The following MCPH1 variants were observed in gnomAD, a reference collection of about 807,000 sequenced individuals.
The protein encoded by MCPH1 is microcephalin 1, also known as microcephalin.
In MCPH1, 104 loss-of-function variants were observed where a neutral mutation model predicts 84.5. The observed-to-expected ratio is 1.23, with a 90% confidence interval of 1.05 to 1.45. MCPH1 has a LOEUF of 1.45. MCPH1 is among the 40% of genes most tolerant of loss of function. The pLI is 0.00. For synonymous variants in MCPH1, 514 were observed against 366.8 expected (o/e 1.40, Z -4.58); for missense variants, 1,498 against 1,005.7 (o/e 1.49, Z -6.62).
chr8:6,450,682 C>G lies in MCPH1; in HGVS notation c.1826-4461C>G, dbSNP rs1804986287. ...ACCGATAACCACTCATTTTTGTCATCCATTTTGGCTTTTAACAAAGCATCT... is the reference window on the plus strand; with the variant it reads ...ACCGATAACCACTCATTTTTGTCATGCATTTTGGCTTTTAACAAAGCATCT... On this transcript the variant is annotated intron_variant, in intron 8 of 13. Transcript: ENST00000344683. 2.0e-5 allele frequency among the ~76,000 whole-genome samples: 3 copies of G among 151,958 alleles called. No homozygotes were observed. In the South Asian group the frequency reaches 6.2e-4, roughly 32 times the overall value.
At chr8:6,454,676 T>C (rs1251769675) in intron 8 of MCPH1, among the ~76,000 whole-genome samples, 1 of 152,160 alleles carries the variant, frequency 6.6e-6, no homozygotes, top group African/African-American at 2.4e-5. Flanking sequence ...GGGAGTAAAA[T>C]CATCATCCAT....
chr8:6,533,278 T>C (rs1036423047), intron 12 of MCPH1, among the ~76,000 whole-genome samples: 2 of 152,240 alleles, frequency 1.3e-5, no homozygotes, highest in Non-Finnish European at 2.9e-5. Flanking sequence ...AGAAGCTCAT[T>C]TCACTGCCAT....
chr8:6,614,208 A>G (rs1372622300), intron 12 of MCPH1, among the ~76,000 whole-genome samples: 1 of 152,132 alleles, frequency 6.6e-6, no homozygotes, highest in African/African-American at 2.4e-5. Context: ...CAGCACTAGG[A>G]TATGGTTTTG....
rs550623046 is a variant in MCPH1, at chr8:6,530,668, G to A, written c.2214+30739G>A. On this transcript the variant is annotated intron_variant, in intron 12 of 13. Transcript: ENST00000344683. Reference sequence around the variant, plus strand: ...TTTTTAGTACCTTATGATCCGTTATGTAAAATATTTATGTATGTTTTTCTT... The same window carrying A: ...TTTTTAGTACCTTATGATCCGTTATATAAAATATTTATGTATGTTTTTCTT... 2.6e-5 allele frequency among the ~76,000 whole-genome samples: 4 copies of A among 152,234 alleles called. No individual in the cohort carries two copies. The East Asian group carries it at 5.8e-4, about 22-fold the overall frequency.
intron 12 of MCPH1, among the ~76,000 whole-genome samples, chr8:6,603,589 A>G (rs1829535946): frequency 6.6e-6 from 1 of 152,196 alleles, no homozygotes; most frequent in African/African-American, 2.4e-5. Context: ...GATAATGTGG[A>G]AGGTACTAGC....
chr8:6,410,344 C>A (rs1032469839), intron 2 of MCPH1, among the ~76,000 whole-genome samples: 1 of 151,922 alleles, frequency 6.6e-6, no homozygotes, highest in African/African-American at 2.4e-5. Flanking sequence ...TTAAAAACTA[C>A]AGAAAGTTCA....
At chr8:6,627,163 C>G in intron 13 of MCPH1, 1 of 985,388 alleles carries the variant, frequency 1.0e-6, no homozygotes, top group South Asian at 4.7e-5. Flanking sequence ...GAAAAATGCA[C>G]GACGCTCCCA....
At chr8:6,589,328 G>C (rs1168024806) in intron 12 of MCPH1, among the ~76,000 whole-genome samples, 2 of 152,164 alleles carry the variant, frequency 1.3e-5, no homozygotes, top group South Asian at 4.1e-4. Flanking sequence ...GACAATGATA[G>C]TGAGTGGAGA....
At chr8:6,409,424 A>G in intron 2 of MCPH1, 54 bp downstream of exon 2, 5 of 1,398,480 alleles carry the variant, frequency 3.6e-6, no homozygotes, top group Non-Finnish European at 5.1e-6. Context: ...ATTGGTAAAA[A>G]GTTACATTTG....
At chr8:6,475,175 A>T (rs1228702494) in intron 9 of MCPH1, among the ~76,000 whole-genome samples, 1 of 152,198 alleles carries the variant, frequency 6.6e-6, no homozygotes, top group Non-Finnish European at 1.5e-5. Context: ...GAGAGACAAT[A>T]GCTGCTTTGA....
At chr8:6,421,466 A>G (rs1408626288) in intron 3 of MCPH1, among the ~76,000 whole-genome samples, 1 of 151,690 alleles carries the variant, frequency 6.6e-6, no homozygotes, top group Non-Finnish European at 1.5e-5. Flanking sequence ...AGAATGGCCA[A>G]CTATCATCCC....
chr8:6,570,421 T>C (rs563135867), intron 12 of MCPH1, among the ~76,000 whole-genome samples: 2 of 152,338 alleles, frequency 1.3e-5, no homozygotes, highest in African/African-American at 2.4e-5. Context: ...CAGAAAGCTC[T>C]TTGCCATATG....
At chr8:6,503,209 T>A (rs200119549) in intron 12 of MCPH1, 4 of 1,614,198 alleles carry the variant, frequency 2.5e-6, no homozygotes, top group Admixed American at 1.7e-5. Flanking sequence ...TCTGCCTCTG[T>A]GGATAGTACA....
chr8:6,536,908 G>A (rs1411943929), intron 12 of MCPH1, among the ~76,000 whole-genome samples: 1 of 134,306 alleles, frequency 7.4e-6, no homozygotes, highest in Non-Finnish European at 1.6e-5. Flanking sequence ...CTGAAACCCA[G>A]AAATATAGAA....
At chr8:6,596,166 A>G (rs934984664) in intron 12 of MCPH1, among the ~76,000 whole-genome samples, 11 of 152,278 alleles carry the variant, frequency 7.2e-5, no homozygotes, top group African/African-American at 2.6e-4. Context: ...TTCCATGGAC[A>G]TGAAAGATAT....
intron 13 of MCPH1, chr8:6,624,876 T>C (rs929276858): frequency 1.2e-6 from 1 of 807,182 alleles, no homozygotes; most frequent in Non-Finnish European, 1.5e-6. Flanking sequence ...ATCATATACT[T>C]TTTTTTTTTT....
chr8:6,637,567 T>C (rs1240212188), intron 13 of MCPH1, among the ~76,000 whole-genome samples: 2 of 152,098 alleles, frequency 1.3e-5, no homozygotes, highest in African/African-American at 2.4e-5. Flanking sequence ...CAGCAAGAAG[T>C]TTGGGTTCTG....
chr8:6,576,213 A>T (rs1391896150), intron 12 of MCPH1, among the ~76,000 whole-genome samples: 1 of 152,186 alleles, frequency 6.6e-6, no homozygotes, highest in Non-Finnish European at 1.5e-5. Flanking sequence ...GCAAAGCTTC[A>T]TTCTGCAGCA....
chr8:6,495,933 C>T (rs1423285694), intron 11 of MCPH1, among the ~76,000 whole-genome samples: 1 of 152,092 alleles, frequency 6.6e-6, no homozygotes, highest in Non-Finnish European at 1.5e-5. Flanking sequence ...TATTTTATAC[C>T]AGCAGTCTCC....
Sources: gnomAD v4.1 joint callset for allele counts (sites outside exome capture counted in the v4.1 genomes callset) on GRCh38, gnomAD v4.1.1 for gene constraint, MANE v1.5 for transcripts, NCBI Gene and HGNC (gene_info 2026-07-23, HGNC 2026-07-21) for gene names.